RIN2: variants seen among roughly 807,000 people sequenced by gnomAD.
RIN2 encodes Ras and Rab interactor 2, also known as RAB5 interacting protein 2.
Under a neutral mutation model 78.0 loss-of-function variants are expected in RIN2, and 36 were observed. The ratio of observed to expected loss-of-function variants is 0.46; its 90% CI spans 0.35 to 0.61. The LOEUF (loss-of-function observed/expected upper bound fraction) is 0.61, where lower values mean the gene tolerates loss of function less well. Among genes scored for constraint, RIN2 ranks in the 20% least tolerant of loss-of-function variants. The probability of loss-of-function intolerance (pLI) is 0.00; values close to 1 mark genes in which losing one functional copy is unlikely to be tolerated. For missense variants in RIN2, 1,087 were observed against 1,159.7 expected, an observed-to-expected ratio of 0.94 and a Z score of 0.91; for synonymous variants, 466 against 466.8, an observed-to-expected ratio of 1.00 and a Z score of 0.02.
chr20:19,870,091 T>A (rs772363545), intron 2 of RIN2, among the ~76,000 whole-genome samples: 4 of 152,118 alleles, frequency 2.6e-5, no homozygotes, highest in Non-Finnish European at 5.9e-5. Context: ...TTAGAGTAGA[T>A]TGTAGCCATC....
chr20:19,823,631 T>A, intron 2 of RIN2: 1 of 1,552,746 alleles, frequency 6.4e-7, no homozygotes, highest in Non-Finnish European at 8.8e-7. Flanking sequence ...TCATCAAAAG[T>A]GATATTCCCA....
intron 9 of RIN2, among the ~76,000 whole-genome samples, chr20:19,988,895 C>G (rs1461942770): frequency 1.3e-5 from 2 of 150,534 alleles, no homozygotes; most frequent in African/African-American, 2.5e-5. Context: ...TCTTCTTTCT[C>G]TCTCTTCACA....
At chr20:19,996,438 G>GC (rs1469189783) in intron 11 of RIN2, among the ~76,000 whole-genome samples, 1 of 152,188 alleles carries the variant, frequency 6.6e-6, no homozygotes, top group East Asian at 1.9e-4. Context: ...GCTTGTCTGT[G>GC]CCCCCTTGGC....
intron 3 of RIN2, among the ~76,000 whole-genome samples, chr20:19,929,670 C>T (rs116211929): frequency 0.011 from 1,739 of 152,256 alleles, 41 homozygotes; most frequent in African/African-American, 0.04. Context: ...CCTGTAGCAC[C>T]AACTGCTATT....
intron 1 of RIN2, among the ~76,000 whole-genome samples, chr20:19,792,095 G>T (rs532760570): frequency 9.4e-4 from 143 of 152,284 alleles, no homozygotes; most frequent in African/African-American, 3.3e-3. Flanking sequence ...CAAGTGGACA[G>T]TATGAGCTGA....
chr20:20,001,147 TG>T lies in RIN2; in HGVS notation c.*213del, dbSNP rs2043131316. On this transcript the variant is annotated 3_prime_UTR_variant, in exon 13 of 13. Transcript: ENST00000255006. The stretch of plus-strand genomic sequence containing the variant: ...AAACAGTAGGATTCTCTTTTGGCAA[TG>T]GAGAATTGCATCTGATGGTTCAAGT... The T allele has an allele frequency of 1.8e-6, 1 of 554,618 alleles. No individual in the cohort carries two copies. The highest frequency in any genetic ancestry group is 1.9e-5 in the African/African-American group (1 of 53,362). 34.4% of individuals were successfully genotyped at this position (554,618 alleles called of 1,614,324 possible).
chr20:19,789,611 G>A (rs1009572613), intron 1 of RIN2, among the ~76,000 whole-genome samples: 2 of 152,134 alleles, frequency 1.3e-5, no homozygotes, highest in Non-Finnish European at 2.9e-5. Context: ...TTAGCTGCCT[G>A]CTCCCTGTAG....
chr20:19,907,220 C>T (rs1366008160), intron 3 of RIN2, among the ~76,000 whole-genome samples: 5 of 152,162 alleles, frequency 3.3e-5, no homozygotes, highest in African/African-American at 1.2e-4. Flanking sequence ...AAAATAATGG[C>T]GTTAATCCAT....
At chr20:19,802,912 T>C (rs2035291501) in intron 2 of RIN2, among the ~76,000 whole-genome samples, 2 of 152,204 alleles carry the variant, frequency 1.3e-5, no homozygotes, top group Admixed American at 6.5e-5. Flanking sequence ...CTTAGACCTA[T>C]ACTCCAAGGA....
chr20:19,798,358 T>C (rs2035128302), intron 1 of RIN2, among the ~76,000 whole-genome samples: 1 of 151,994 alleles, frequency 6.6e-6, no homozygotes, highest in Admixed American at 6.6e-5. Context: ...ACCAGAAAGC[T>C]AACATGGACC....
intron 2 of RIN2, among the ~76,000 whole-genome samples, chr20:19,826,710 C>T (rs117514464): frequency 0.016 from 2,415 of 152,268 alleles, 41 homozygotes; most frequent in Middle Eastern, 0.031. Flanking sequence ...AACTTCTTAG[C>T]AAACATCCTG....
intron 4 of RIN2, chr20:19,935,511 C>A: frequency 9.1e-7 from 1 of 1,100,854 alleles, no homozygotes; most frequent in Non-Finnish European, 1.1e-6. Flanking sequence ...GCAGCAAGAT[C>A]CAGCGTGTGC....
At chr20:19,891,994 G>A (rs545355231) in intron 3 of RIN2, among the ~76,000 whole-genome samples, 1 of 152,242 alleles carries the variant, frequency 6.6e-6, no homozygotes, top group South Asian at 2.1e-4. Context: ...TTTTCAGTGG[G>A]ACAGCAGTTA....
chr20:19,944,214 A>G (rs563223733), intron 4 of RIN2, among the ~76,000 whole-genome samples: 2 of 152,036 alleles, frequency 1.3e-5, no homozygotes, highest in Non-Finnish European at 2.9e-5. Context: ...AGATATCTTC[A>G]GTATGGGCCA....
Position 19,772,363 on chromosome 20 carries a change from CT to C in RIN2, c.-163+14037del, listed in dbSNP as rs2034160470. ...ACCACTCTAGCCAGGATACTGCCCC[CT>C]GAACTGATTTTGTCAAGGTCACCGA... is the stretch of plus-strand genomic sequence containing the variant. On this transcript the variant is annotated intron_variant, in intron 1 of 12. Transcript: ENST00000255006. Among the ~76,000 whole-genome samples, 5 of 152,214 alleles carry C rather than the reference CT, an allele frequency of 3.3e-5. No homozygotes were observed. The South Asian group carries it at 1.0e-3, about 32-fold the overall frequency.
At chr20:19,847,480 G>A (rs913216331) in intron 2 of RIN2, among the ~76,000 whole-genome samples, 2 of 152,164 alleles carry the variant, frequency 1.3e-5, no homozygotes, top group Non-Finnish European at 2.9e-5. Context: ...CTGGCAGTGG[G>A]CTCAACAAGA....
chr20:19,767,303 T>C (rs2033927235), intron 1 of RIN2, among the ~76,000 whole-genome samples: 1 of 152,204 alleles, frequency 6.6e-6, no homozygotes, highest in African/African-American at 2.4e-5. Flanking sequence ...CTTCCAGGTA[T>C]GGAGCTGACC....
At position 19,923,469 on chromosome 20, in the gene RIN2, T is replaced by TAAAATAAAATA. The variant is rs144067000; in HGVS notation, c.58-11627_58-11626insATAAAATAAAA. Among the ~76,000 whole-genome samples the TAAAATAAAATA allele has an allele frequency of 6.0e-4, 58 of 97,148 alleles. 1 individual carries two copies. Among genetic ancestry groups the TAAAATAAAATA allele is most frequent in the African/African-American group, 2.3e-3 (53 of 23,434 alleles). The allele number at this position is 97,148 out of a possible 152,430, so 63.7% of individuals were successfully genotyped here. On this transcript the variant is annotated intron_variant, in intron 3 of 12. Transcript: ENST00000255006. ...TAAAATAAAATAAAATAAAATAAAA[T>TAAAATAAAATA]AAATAAAATAAAATAAAATAAATAT...
chr20:19,824,500 C>T (rs2036025831), intron 2 of RIN2, among the ~76,000 whole-genome samples: 1 of 152,000 alleles, frequency 6.6e-6, no homozygotes, highest in Non-Finnish European at 1.5e-5. Context: ...ACACTCATGT[C>T]CTTCAAGGCC....
Sources: gnomAD v4.1 joint callset for allele counts (sites outside exome capture counted in the v4.1 genomes callset) on GRCh38, gnomAD v4.1.1 for gene constraint, MANE v1.5 for transcripts, NCBI Gene and HGNC (gene_info 2026-07-23, HGNC 2026-07-21) for gene names.